Variants in NEK11 observed in about 807,000 individuals in gnomAD.
NEK11 encodes the protein NIMA related kinase 11.
NEK11 carries 72 observed loss-of-function variants against 80.7 expected under a neutral mutation model. That is an observed-to-expected ratio of 0.89 (90% CI 0.74 to 1.08). The LOEUF (loss-of-function observed/expected upper bound fraction) is 1.08, where lower values mean the gene tolerates loss of function less well. NEK11 is among the 50% of genes least tolerant of loss of function. NEK11 has a pLI of 0.00. For missense variants in NEK11, 764 were observed against 763.6 expected, an observed-to-expected ratio of 1.00 and a Z score of -0.01; for synonymous variants, 251 against 260.7, an observed-to-expected ratio of 0.96 and a Z score of 0.36.
chr3:131,047,069 C>T (rs2067511211), intron 3 of NEK11, among the ~76,000 whole-genome samples: 1 of 152,064 alleles, frequency 6.6e-6, no homozygotes, highest in Admixed American at 6.5e-5. Context: ...TTCTACTTGT[C>T]GATTCTATTG....
intron 16 of NEK11, among the ~76,000 whole-genome samples, chr3:131,270,890 C>T (rs2096170952): frequency 1.3e-5 from 2 of 152,168 alleles, no homozygotes; most frequent in South Asian, 2.1e-4. Flanking sequence ...TATTTTTATT[C>T]TTGGCGGAAC....
intron 16 of NEK11, among the ~76,000 whole-genome samples, chr3:131,249,799 C>T (rs771626777): frequency 1.8e-4 from 27 of 152,078 alleles, no homozygotes; most frequent in Non-Finnish European, 3.7e-4. Flanking sequence ...AGTTGACAAT[C>T]TCTGAATCTG....
intron 5 of NEK11, among the ~76,000 whole-genome samples, chr3:131,118,058 C>G (rs540008618): frequency 6.6e-6 from 1 of 152,260 alleles, no homozygotes; most frequent in African/African-American, 2.4e-5. Context: ...TGCCAGTTTT[C>G]AAACAGAATG....
chr3:131,204,558 C>A (rs2094383752), intron 14 of NEK11, among the ~76,000 whole-genome samples: 1 of 151,372 alleles, frequency 6.6e-6, no homozygotes, highest in Non-Finnish European at 1.5e-5. Flanking sequence ...GTGTCCATTG[C>A]AGTAGTAATT....
chr3:131,047,875 C>T (rs1277692397), intron 3 of NEK11, among the ~76,000 whole-genome samples: 1 of 152,158 alleles, frequency 6.6e-6, no homozygotes, highest in African/African-American at 2.4e-5. Context: ...GCTACCAGAG[C>T]AGGTAGAGAA....
intron 5 of NEK11, among the ~76,000 whole-genome samples, chr3:131,125,881 G>C (rs533865054): frequency 6.6e-6 from 1 of 152,336 alleles, no homozygotes; most frequent in South Asian, 2.1e-4. Flanking sequence ...GCTGCCAGAA[G>C]CATTGGTAGG....
chr3:131,146,359 T>TA (rs2088270596), intron 7 of NEK11, among the ~76,000 whole-genome samples: 2 of 152,170 alleles, frequency 1.3e-5, no homozygotes, highest in Admixed American at 6.6e-5. Flanking sequence ...GGATGAGAAC[T>TA]AATACCAATA....
At chr3:131,094,927 G>C (rs774818958) in intron 4 of NEK11, among the ~76,000 whole-genome samples, 6 of 152,102 alleles carry the variant, frequency 3.9e-5, no homozygotes, top group Non-Finnish European at 8.8e-5. Flanking sequence ...GATGAGTTAA[G>C]GAGTACAGAG....
chr3:131,169,198 C>G (rs1410908978), intron 13 of NEK11, among the ~76,000 whole-genome samples: 1 of 152,144 alleles, frequency 6.6e-6, no homozygotes, highest in Non-Finnish European at 1.5e-5. Flanking sequence ...GAGTGCTTTC[C>G]TCCCCCTTGC....
intron 14 of NEK11, among the ~76,000 whole-genome samples, chr3:131,220,319 T>C (rs980816552): frequency 6.6e-6 from 1 of 152,146 alleles, no homozygotes; most frequent in Non-Finnish European, 1.5e-5. Context: ...TTCCTATACA[T>C]ATGAGAAAAT....
At chr3:131,229,662 T>C (rs1243228677) in intron 15 of NEK11, among the ~76,000 whole-genome samples, 4 of 152,042 alleles carry the variant, frequency 2.6e-5, no homozygotes, top group Admixed American at 1.3e-4. Context: ...TTAATAAAGA[T>C]TATGTGTCAT....
chr3:131,103,755 T>A (rs1484982395), intron 4 of NEK11, among the ~76,000 whole-genome samples: 1 of 152,208 alleles, frequency 6.6e-6, no homozygotes, highest in African/African-American at 2.4e-5. Context: ...AAGGCATGCC[T>A]ATTCCTGCTG....
intron 14 of NEK11, among the ~76,000 whole-genome samples, chr3:131,172,399 T>G (rs146317822): frequency 5.3e-5 from 8 of 152,362 alleles, no homozygotes; most frequent in Non-Finnish European, 1.0e-4. Flanking sequence ...AGATTTGCAC[T>G]TGAAGTCTTC....
At chr3:131,321,820 A>G (rs1490006920) in intron 17 of NEK11, among the ~76,000 whole-genome samples, 1 of 152,230 alleles carries the variant, frequency 6.6e-6, no homozygotes, top group African/African-American at 2.4e-5. Flanking sequence ...AATGGCTATT[A>G]TCAAAAAATC....
intron 4 of NEK11, among the ~76,000 whole-genome samples, chr3:131,094,102 A>G (rs1025124021): frequency 6.6e-6 from 1 of 150,434 alleles, no homozygotes; most frequent in Admixed American, 6.7e-5. Context: ...AGATATAGGG[A>G]TCCAAGGCTT....
chr3:131,234,598 G>A (rs945406688), intron 15 of NEK11, among the ~76,000 whole-genome samples: 4 of 152,170 alleles, frequency 2.6e-5, no homozygotes, highest in Admixed American at 1.3e-4. Flanking sequence ...TTGCTCAAAG[G>A]AGAGACTTTG....
intron 7 of NEK11, among the ~76,000 whole-genome samples, chr3:131,144,052 C>A (rs1359541226): frequency 1.3e-5 from 2 of 152,158 alleles, no homozygotes; most frequent in Non-Finnish European, 2.9e-5. Context: ...TTTGCAGAGT[C>A]TGGCAGATTT....
At chr3:131,311,603 CTTG>C (rs2096782905) in intron 17 of NEK11, among the ~76,000 whole-genome samples, 1 of 152,142 alleles carries the variant, frequency 6.6e-6, no homozygotes, top group South Asian at 2.1e-4. Flanking sequence ...ATAGAAGCAC[CTTG>C]TTGTATTCTG....
chr3:131,125,695 G>T (rs112226050), intron 5 of NEK11, among the ~76,000 whole-genome samples: 1 of 152,058 alleles, frequency 6.6e-6, no homozygotes, highest in South Asian at 2.1e-4. Flanking sequence ...CATCTAGTTG[G>T]CACTCAATAA....
Sources: gnomAD v4.1 joint callset for allele counts (sites outside exome capture counted in the v4.1 genomes callset) on GRCh38, gnomAD v4.1.1 for gene constraint, MANE v1.5 for transcripts, NCBI Gene and HGNC (gene_info 2026-07-23, HGNC 2026-07-21) for gene names.